Variants in NAPB observed in about 807,000 individuals in gnomAD.
NAPB encodes beta-soluble NSF attachment protein.
Under a neutral mutation model 44.7 loss-of-function variants are expected in NAPB, and 26 were observed. The observed-to-expected ratio is 0.58, with a 90% CI of 0.43 to 0.81. The LOEUF is 0.81. Ranked by LOEUF, NAPB falls within the 30% of genes least tolerant of loss-of-function variation. NAPB has a pLI of 0.00. For missense variants in NAPB, 315 were observed against 356.4 expected (o/e 0.88, Z 0.94); for synonymous variants, 120 against 116.8 (o/e 1.03, Z -0.18).
intron 1 of NAPB, among the ~76,000 whole-genome samples, chr20:23,404,001 A>G (rs972737540): frequency 6.6e-6 from 1 of 152,182 alleles, no homozygotes; most frequent in African/African-American, 2.4e-5. Flanking sequence ...ACACCCTGAG[A>G]GAAGGGTACC....
At chr20:23,380,014 G>C (rs965118648) in intron 8 of NAPB, 79 bp from the exon 9 acceptor site, 3 of 1,135,134 alleles carry the variant, frequency 2.6e-6, no homozygotes, top group Non-Finnish European at 4.0e-6. Context: ...CTTCAAATAA[G>C]ATCTACCTAT....
At chr20:23,415,322 A>T (rs1359181706) in intron 1 of NAPB, among the ~76,000 whole-genome samples, 4 of 152,170 alleles carry the variant, frequency 2.6e-5, no homozygotes, top group Admixed American at 2.6e-4. Flanking sequence ...TGCGCTGGGC[A>T]CGGTGGCTCA....
chr20:23,416,764 A>T (rs1986030979), intron 1 of NAPB, among the ~76,000 whole-genome samples: 1 of 152,234 alleles, frequency 6.6e-6, no homozygotes, highest in Non-Finnish European at 1.5e-5. Context: ...ATTGTAACTG[A>T]GGAAAACCTA....
intron 8 of NAPB, among the ~76,000 whole-genome samples, chr20:23,380,331 T>C (rs1982894436): frequency 6.6e-6 from 1 of 152,210 alleles, no homozygotes; most frequent in South Asian, 2.1e-4. Flanking sequence ...TTAGTTCTGC[T>C]CTTCCAACTC....
chr20:23,386,530 A>T (rs1046010439), intron 7 of NAPB, among the ~76,000 whole-genome samples: 2 of 152,254 alleles, frequency 1.3e-5, no homozygotes, highest in Admixed American at 6.5e-5. Context: ...ATAGACATAA[A>T]ATCCTCAACA....
intron 5 of NAPB, among the ~76,000 whole-genome samples, chr20:23,394,466 G>A (rs1206308687): frequency 6.6e-6 from 1 of 152,180 alleles, no homozygotes; most frequent in Non-Finnish European, 1.5e-5. Context: ...GGACAAAGTG[G>A]AGAGGTCAGC....
Position 23,389,997 on chromosome 20 carries a change from T to A in NAPB, c.510A>T (p.Ala170=). Residue 170 remains alanine (A), a synonymous_variant, in exon 7 of 11, where the codon GCA becomes GCT. Coordinates refer to ENST00000377026, the MANE Select transcript of NAPB (RefSeq NM_022080.3). The part of the protein sequence containing the change: ...SANKCLLKVA[A]YAAQLEQYQK... ...GGTACTGCTCAAGCTGGGCAGCATA[T>A]GCTGCCACCTTCAGCAGACACTTGT... The A allele has an allele frequency of 6.2e-7, 1 of 1,614,186 alleles. No homozygotes were observed. Among genetic ancestry groups the A allele is most frequent in the Non-Finnish European group, 8.5e-7 (1 of 1,180,012 alleles).
intron 7 of NAPB, among the ~76,000 whole-genome samples, chr20:23,384,956 T>TA (rs1341726618): frequency 6.6e-6 from 1 of 151,934 alleles, no homozygotes; most frequent in Non-Finnish European, 1.5e-5. Flanking sequence ...CTGTCTCTAC[T>TA]AAAAATACAA....
intron 3 of NAPB, among the ~76,000 whole-genome samples, chr20:23,396,001 A>G (rs1436167732): frequency 1.3e-5 from 2 of 152,242 alleles, no homozygotes; most frequent in Non-Finnish European, 2.9e-5. Context: ...GATCCCTGTT[A>G]CACCTTTTAA....
intron 1 of NAPB, among the ~76,000 whole-genome samples, chr20:23,413,269 C>T (rs1309339683): frequency 6.7e-6 from 1 of 150,056 alleles, no homozygotes; most frequent in African/African-American, 2.4e-5. Context: ...AAAGAAAGGC[C>T]ATTCTTTCTA....
intron 1 of NAPB, among the ~76,000 whole-genome samples, chr20:23,406,599 C>A (rs1419804728): frequency 1.3e-5 from 2 of 152,042 alleles, no homozygotes; most frequent in African/African-American, 4.8e-5. Context: ...CTTTCTCTCA[C>A]ACCTTCATGT....
At chr20:23,416,011 C>T (rs116112873) in intron 1 of NAPB, among the ~76,000 whole-genome samples, 1,725 of 152,232 alleles carry the variant, frequency 0.011, 30 homozygotes, top group African/African-American at 0.04. Flanking sequence ...GACTTAAACT[C>T]TCCTTTACTT....
chr20:23,379,587 A>G, intron 9 of NAPB, 92 bp from the exon 10 acceptor site: 1 of 986,056 alleles, frequency 1.0e-6, no homozygotes, highest in South Asian at 1.5e-5. Flanking sequence ...ATGTTGCCAA[A>G]TATTGCACAA....
chr20:23,377,326 A>G lies in NAPB; in HGVS notation c.*50T>C, dbSNP rs748979095. ...CATCCCATAAAGATCACTTGACCCT[A>G]AGACAAAACTAAAGAGGAGTTAGCT... On this transcript the variant is annotated 3_prime_UTR_variant, in exon 11 of 11. Coordinates refer to ENST00000377026, the MANE Select transcript of NAPB (RefSeq NM_022080.3). 14 of 1,267,520 alleles carry G rather than the reference A, an allele frequency of 1.1e-5. No homozygotes were observed. Among genetic ancestry groups the G allele is most frequent in the Non-Finnish European group, 1.2e-5 (11 of 895,794 alleles). 78.5% of individuals were successfully genotyped at this position (1,267,520 alleles called of 1,614,324 possible). A position where few individuals can be genotyped will look rare whatever the true frequency, so the allele number is the denominator to read the frequency against.
chr20:23,420,099 C>T (rs781109056), intron 1 of NAPB, among the ~76,000 whole-genome samples: 21 of 152,136 alleles, frequency 1.4e-4, no homozygotes, highest in Non-Finnish European at 1.0e-4. Flanking sequence ...AAGAAAACAA[C>T]GAAACAGGCA....
chr20:23,379,621 A>G (rs1982837707), intron 9 of NAPB, 126 bp from the exon 10 acceptor site: 1 of 753,856 alleles, frequency 1.3e-6, no homozygotes, highest in African/African-American at 1.8e-5. Context: ...CTCATATACA[A>G]GTCAAGAGCC....
At chr20:23,412,566 T>C (rs1349537995) in intron 1 of NAPB, among the ~76,000 whole-genome samples, 1 of 152,076 alleles carries the variant, frequency 6.6e-6, no homozygotes, top group Non-Finnish European at 1.5e-5. Flanking sequence ...TTAAAAAAGA[T>C]AGAAATACAC....
Position 23,407,156 on chromosome 20 carries a change from T to C in NAPB, c.99-4084A>G, listed in dbSNP as rs138852830. On this transcript the variant is annotated intron_variant, in intron 1 of 10. Coordinates refer to ENST00000377026, the MANE Select transcript of NAPB (RefSeq NM_022080.3). ...CAGAATTGCCAGAGGTAGCCTCACT[T>C]TAAAAACCCATTTGTCATAAACTGA... 2.2e-3 allele frequency among the ~76,000 whole-genome samples: 329 copies of C among 152,340 alleles called. 2 individuals carry two copies. The highest frequency in any genetic ancestry group is 7.7e-3 in the African/African-American group (320 of 41,582).
chr20:23,379,451 A>G lies in NAPB; in HGVS notation c.780T>C (p.Thr260=), dbSNP rs1203306893. The change falls in exon 10 of 11, where the codon ACT becomes ACC. Residue 260 remains threonine (T), a synonymous_variant. Transcript: ENST00000377026. ...TCCCAAAAGCATAACTTACTGCTTC[A>G]GTGTAAGCTTCACTGTTCTGTTCTT... The part of the protein sequence containing the change: ...AHEEQNSEAY[T]EAVKEFDSIS... 1 of 1,601,222 alleles carries G rather than the reference A, an allele frequency of 6.2e-7. No individual in the cohort carries two copies.
Sources: gnomAD v4.1 joint callset for allele counts (sites outside exome capture counted in the v4.1 genomes callset) on GRCh38, gnomAD v4.1.1 for gene constraint, MANE v1.5 for transcripts, NCBI Gene and HGNC (gene_info 2026-07-23, HGNC 2026-07-21) for gene names.